The following ATRNL1 variants were observed in gnomAD, a reference collection of about 807,000 sequenced individuals.
The protein encoded by ATRNL1 is attractin like 1, also known as attractin-like protein 1.
In ATRNL1, 95 loss-of-function variants were observed where a neutral mutation model predicts 182.7. The ratio of observed to expected loss-of-function variants is 0.52; its 90% CI spans 0.44 to 0.62. ATRNL1 has a LOEUF of 0.62. Ranked by LOEUF, ATRNL1 falls within the 20% of genes least tolerant of loss-of-function variation. The pLI, the probability that ATRNL1 is intolerant of heterozygous loss-of-function variation, is 0.00. For missense variants in ATRNL1, 1,471 were observed against 1,679.5 expected, an observed-to-expected ratio of 0.88 and a Z score of 2.17; for synonymous variants, 576 against 568.3, an observed-to-expected ratio of 1.01 and a Z score of -0.19.
intron 8 of ATRNL1, among the ~76,000 whole-genome samples, chr10:115,173,191 C>T (rs927054135): frequency 2.0e-5 from 3 of 151,888 alleles, no homozygotes; most frequent in Non-Finnish European, 2.9e-5. Flanking sequence ...CTCATGACAA[C>T]GTTGAGGCAG....
intron 25 of ATRNL1, among the ~76,000 whole-genome samples, chr10:115,527,790 C>CTCCT (rs1851301794): frequency 7.1e-6 from 1 of 139,946 alleles, no homozygotes; most frequent in Non-Finnish European, 1.6e-5. Flanking sequence ...CCCTCCCTCC[C>CTCCT]TCCCTCCTTC....
At chr10:115,149,507 G>A (rs1221383251) in intron 5 of ATRNL1, among the ~76,000 whole-genome samples, 1 of 152,034 alleles carries the variant, frequency 6.6e-6, no homozygotes, top group Admixed American at 6.6e-5. Context: ...ATCTTGGTAT[G>A]TTCCTTTCAT....
intron 26 of ATRNL1, among the ~76,000 whole-genome samples, chr10:115,620,185 A>G (rs1415735897): frequency 6.6e-6 from 1 of 152,182 alleles, no homozygotes; most frequent in Non-Finnish European, 1.5e-5. Context: ...GGCAGAAGAG[A>G]AAGGGGAAGC....
In ATRNL1 at chr10:115,453,717, T is replaced by A. The variant is rs1847384089; in HGVS notation, c.3323-8224T>A. On this transcript the variant is annotated intron_variant, in intron 21 of 28. Coordinates refer to ENST00000355044, the MANE Select transcript of ATRNL1 (RefSeq NM_207303.4). ...CGAGGACAAAAAACCAAACACTGCA[T>A]GTTCTCACTCATAGGTGGGAATTGA... Among the ~76,000 whole-genome samples the A allele has an allele frequency of 2.0e-5, 3 of 149,354 alleles. No individual in the cohort carries two copies. In the South Asian group the frequency reaches 6.3e-4, roughly 32 times the overall value.
intron 27 of ATRNL1, among the ~76,000 whole-genome samples, chr10:115,815,189 C>G (rs1391762040): frequency 1.3e-5 from 2 of 152,156 alleles, no homozygotes; most frequent in Non-Finnish European, 1.5e-5. Flanking sequence ...ATTCTCACTT[C>G]TAACTGAATA....
chr10:115,479,163 T>G (rs1848654459), intron 24 of ATRNL1, among the ~76,000 whole-genome samples: 1 of 151,674 alleles, frequency 6.6e-6, no homozygotes, highest in Non-Finnish European at 1.5e-5. Context: ...GTTAAGGATT[T>G]TTGGTATTTA....
intron 27 of ATRNL1, among the ~76,000 whole-genome samples, chr10:115,843,266 C>T (rs1299591206): frequency 1.3e-5 from 2 of 151,930 alleles, no homozygotes; most frequent in Non-Finnish European, 2.9e-5. Context: ...GCACAAGCAC[C>T]GTGCTTGGAC....
intron 25 of ATRNL1, among the ~76,000 whole-genome samples, chr10:115,532,898 T>A (rs1217844325): frequency 6.6e-6 from 1 of 152,052 alleles, no homozygotes; most frequent in African/African-American, 2.4e-5. Context: ...TTGGTTCTGT[T>A]TATATGCTGG....
chr10:115,857,142 T>C (rs928278027), intron 28 of ATRNL1, among the ~76,000 whole-genome samples: 8 of 152,200 alleles, frequency 5.3e-5, no homozygotes, highest in Admixed American at 4.6e-4. Context: ...ATTTTCCTTT[T>C]TCTAGCTTAC....
At chr10:115,418,010 T>C (rs1470401741) in intron 20 of ATRNL1, among the ~76,000 whole-genome samples, 2 of 152,182 alleles carry the variant, frequency 1.3e-5, no homozygotes, top group African/African-American at 4.8e-5. Context: ...ACACACATTG[T>C]TGCATGTCCA....
chr10:115,919,902 T>C (rs1171108954), intron 28 of ATRNL1, among the ~76,000 whole-genome samples: 1 of 152,126 alleles, frequency 6.6e-6, no homozygotes, highest in Non-Finnish European at 1.5e-5. Flanking sequence ...ACAAATCCTA[T>C]TCATGAGGGC....
intron 28 of ATRNL1, among the ~76,000 whole-genome samples, chr10:115,892,073 G>A (rs1265415188): frequency 2.0e-5 from 3 of 152,086 alleles, no homozygotes; most frequent in Admixed American, 1.3e-4. Context: ...TGCTGAAACC[G>A]TTTCAAATAT....
intron 9 of ATRNL1, among the ~76,000 whole-genome samples, chr10:115,238,502 T>C (rs1457902169): frequency 2.6e-5 from 4 of 152,186 alleles, no homozygotes; most frequent in Non-Finnish European, 4.4e-5. Flanking sequence ...TTCTTTTGGT[T>C]CTAATGTAAA....
In ATRNL1 at chr10:115,923,055, T is replaced by A. The variant is rs567692117; in HGVS notation, c.4019-21603T>A. On this transcript the variant is annotated intron_variant, in intron 28 of 28. Transcript: ENST00000355044. Reference sequence around the variant, plus strand: ...GCATCTCAAAAAGATTTTTAATTTTTAAAAGATTATTCTGTAGTCTCTTAC... The same window carrying A: ...GCATCTCAAAAAGATTTTTAATTTTAAAAAGATTATTCTGTAGTCTCTTAC... Among the ~76,000 whole-genome samples, 176 of 152,306 alleles carry A rather than the reference T, an allele frequency of 1.2e-3. 1 individual carries two copies. The highest frequency in any genetic ancestry group is 4.1e-3 in the African/African-American group (170 of 41,574).
intron 10 of ATRNL1, among the ~76,000 whole-genome samples, chr10:115,243,447 A>C (rs1850505313): frequency 1.3e-5 from 2 of 152,042 alleles, no homozygotes; most frequent in African/African-American, 2.4e-5. Context: ...TATATACAAA[A>C]TCTTTAACCT....
intron 4 of ATRNL1, 58 bp downstream of exon 4, chr10:115,127,779 G>A: frequency 4.1e-6 from 5 of 1,222,204 alleles, no homozygotes; most frequent in Non-Finnish European, 5.4e-6. Context: ...ATGTAAAAGA[G>A]GTTTTTTTTG....
chr10:115,527,650 T>C (rs1201031640), intron 25 of ATRNL1, among the ~76,000 whole-genome samples: 1 of 152,194 alleles, frequency 6.6e-6, no homozygotes, highest in East Asian at 1.9e-4. Flanking sequence ...GGCTTTTTAA[T>C]GGAAGTTGTA....
intron 26 of ATRNL1, among the ~76,000 whole-genome samples, chr10:115,713,087 TG>T (rs1947113287): frequency 1.3e-5 from 2 of 152,136 alleles, no homozygotes; most frequent in African/African-American, 4.8e-5. Context: ...CTGTTGCCAC[TG>T]TATGTCTCTA....
intron 24 of ATRNL1, among the ~76,000 whole-genome samples, chr10:115,507,645 A>G (rs1416467743): frequency 6.6e-6 from 1 of 152,090 alleles, no homozygotes; most frequent in African/African-American, 2.4e-5. Context: ...CTAATTGATG[A>G]GGTAATTCGG....
Sources: allele counts gnomAD v4.1 joint callset (sites outside exome capture counted in the v4.1 genomes callset), GRCh38; gene constraint gnomAD v4.1.1; transcripts MANE v1.5; gene names NCBI Gene and HGNC (gene_info 2026-07-23, HGNC 2026-07-21).